ABTB3: variants seen among roughly 807,000 people sequenced by gnomAD.
ABTB3 encodes the protein ankyrin repeat- and BTB/POZ domain-containing protein 3.
At chr12:107,383,157 C>T in the ABTB3 span, among the ~76,000 whole-genome samples, 1,397 of 152,308 alleles carry the variant, frequency 9.2e-3, 10 homozygotes, top group Middle Eastern at 0.02. Context: ...TGCAGCTCTT[C>T]GTTTTGGGGC....
chr12:107,521,688 C>T, the ABTB3 span, among the ~76,000 whole-genome samples: 1 of 137,936 alleles, frequency 7.2e-6, no homozygotes, highest in Non-Finnish European at 1.6e-5. Context: ...CCACCCCCTA[C>T]CCTCCCCAGA....
the ABTB3 span, among the ~76,000 whole-genome samples, chr12:107,387,930 A>G: frequency 8.1e-6 from 1 of 123,818 alleles, no homozygotes; most frequent in Admixed American, 8.0e-5. Context: ...CCCTCCTCCT[A>G]CTCCTCTCCT....
the ABTB3 span, among the ~76,000 whole-genome samples, chr12:107,485,529 C>T: frequency 6.6e-6 from 1 of 152,098 alleles, no homozygotes; most frequent in Non-Finnish European, 1.5e-5. Flanking sequence ...GTGTGTGTCT[C>T]TCTGTATGTG....
the ABTB3 span, among the ~76,000 whole-genome samples, chr12:107,522,965 G>A: frequency 1.3e-5 from 2 of 152,168 alleles, no homozygotes; most frequent in Non-Finnish European, 2.9e-5. Flanking sequence ...TGACTAACCA[G>A]AGGAAAGTAA....
At chr12:107,376,358 T>C in the ABTB3 span, among the ~76,000 whole-genome samples, 1 of 152,208 alleles carries the variant, frequency 6.6e-6, no homozygotes, top group Non-Finnish European at 1.5e-5. Flanking sequence ...CTTGAGTATA[T>C]ATTTGATGAA....
At chr12:107,431,747 C>G in the ABTB3 span, among the ~76,000 whole-genome samples, 2 of 152,192 alleles carry the variant, frequency 1.3e-5, no homozygotes, top group Non-Finnish European at 2.9e-5. Flanking sequence ...GGTAAATGTA[C>G]CTAATAGCAG....
the ABTB3 span, among the ~76,000 whole-genome samples, chr12:107,526,479 A>G: frequency 6.6e-6 from 1 of 152,108 alleles, no homozygotes. Context: ...CTCTCCCTTT[A>G]GGACTAATTT....
At chr12:107,341,865 C>T in the ABTB3 span, among the ~76,000 whole-genome samples, 3 of 152,254 alleles carry the variant, frequency 2.0e-5, no homozygotes, top group Admixed American at 2.0e-4. Flanking sequence ...CTCCTCCCTC[C>T]CTGGTCTTGC....
the ABTB3 span, among the ~76,000 whole-genome samples, chr12:107,552,087 A>C: frequency 6.6e-6 from 1 of 152,292 alleles, no homozygotes; most frequent in East Asian, 1.9e-4. Flanking sequence ...GTGAGAATTA[A>C]ATTTTTAAAA....
At chr12:107,520,191 C>T in the ABTB3 span, 3 of 985,070 alleles carry the variant, frequency 3.0e-6, no homozygotes, top group Non-Finnish European at 3.6e-6. Context: ...GAGTGGATAG[C>T]AACCCTTCCA....
chr12:107,424,274 T>C, the ABTB3 span, among the ~76,000 whole-genome samples: 1 of 152,192 alleles, frequency 6.6e-6, no homozygotes. Flanking sequence ...AGTGCATCCT[T>C]GGAAATTCGA....
At chr12:107,469,521 G>A in the ABTB3 span, among the ~76,000 whole-genome samples, 21 of 152,280 alleles carry the variant, frequency 1.4e-4, no homozygotes, top group African/African-American at 4.1e-4. Flanking sequence ...GATGCATGTC[G>A]GTTACTTAGG....
At chr12:107,499,299 G>A in the ABTB3 span, among the ~76,000 whole-genome samples, 2 of 152,198 alleles carry the variant, frequency 1.3e-5, no homozygotes, top group African/African-American at 4.8e-5. Context: ...TTTCTCGGTA[G>A]CACAGTGCTG....
chr12:107,583,101 C>T, the ABTB3 span, among the ~76,000 whole-genome samples: 38 of 152,262 alleles, frequency 2.5e-4, no homozygotes, highest in African/African-American at 8.2e-4. Context: ...CCTCTCTGGA[C>T]CTTAGTTTTC....
At chr12:107,401,035 G>A in the ABTB3 span, among the ~76,000 whole-genome samples, 1 of 152,170 alleles carries the variant, frequency 6.6e-6, no homozygotes, top group Non-Finnish European at 1.5e-5. Flanking sequence ...ACATTCACAT[G>A]CAGGACCACG....
the ABTB3 span, among the ~76,000 whole-genome samples, chr12:107,471,521 G>A: frequency 6.6e-6 from 1 of 152,200 alleles, no homozygotes; most frequent in East Asian, 1.9e-4. Context: ...AGCCCTTACT[G>A]TGTGTCAGGT....
At chr12:107,518,898 T>C in the ABTB3 span, among the ~76,000 whole-genome samples, 2 of 152,228 alleles carry the variant, frequency 1.3e-5, no homozygotes, top group Non-Finnish European at 2.9e-5. Flanking sequence ...TCTCCCACCA[T>C]AGAGCATTTA....
the ABTB3 span, among the ~76,000 whole-genome samples, chr12:107,333,363 G>C: frequency 4.1e-4 from 62 of 152,294 alleles, no homozygotes; most frequent in African/African-American, 1.3e-3. Context: ...AAGCTGGGGT[G>C]CAAGTTTAGG....
the ABTB3 span, among the ~76,000 whole-genome samples, chr12:107,557,502 C>A: frequency 0.25 from 38,730 of 152,058 alleles, 5,110 homozygotes; most frequent in East Asian, 0.36. Flanking sequence ...TTCAATATTA[C>A]TTGAGCTTTT....
Sources: gnomAD v4.1 joint callset for allele counts (sites outside exome capture counted in the v4.1 genomes callset) on GRCh38, gnomAD v4.1.1 for gene constraint, MANE v1.5 for transcripts, NCBI Gene and HGNC (gene_info 2026-07-23, HGNC 2026-07-21) for gene names.